ZNF804B: variants seen among roughly 807,000 people sequenced by gnomAD.
ZNF804B encodes the protein zinc finger protein 804B.
A neutral mutation model predicts 101.4 loss-of-function variants in ZNF804B; 80 were observed. The observed-to-expected ratio is 0.79, with a 90% CI of 0.66 to 0.95. The LOEUF is 0.95. Ranked by LOEUF, ZNF804B falls within the 40% of genes least tolerant of loss-of-function variation. The pLI is 0.00. For missense variants in ZNF804B, 1,673 were observed against 1,561.9 expected, an observed-to-expected ratio of 1.07 and a Z score of -1.20; for synonymous variants, 622 against 558.8, an observed-to-expected ratio of 1.11 and a Z score of -1.59.
At chr7:89,196,282 C>T (rs546029686) in intron 1 of ZNF804B, among the ~76,000 whole-genome samples, 1 of 149,158 alleles carries the variant, frequency 6.7e-6, no homozygotes, top group South Asian at 2.1e-4. Context: ...TTTGACAACA[C>T]GTAGACCAAT....
intron 2 of ZNF804B, among the ~76,000 whole-genome samples, chr7:89,270,656 C>A (rs192682699): frequency 3.9e-5 from 6 of 152,274 alleles, no homozygotes; most frequent in African/African-American, 1.4e-4. Flanking sequence ...TTACCTTGGG[C>A]AATATGGCCA....
chr7:89,233,104 T>C (rs1789224435), intron 2 of ZNF804B, among the ~76,000 whole-genome samples: 3 of 151,980 alleles, frequency 2.0e-5, no homozygotes, highest in South Asian at 4.1e-4. Flanking sequence ...TTTTTTGTAT[T>C]TTTAGTAGAG....
chr7:89,337,280 A>T lies in ZNF804B; in HGVS notation c.*248A>T, dbSNP rs801842. ...GCGTAGAGGGAAGAGGGAAAGAGTT[A>T]AAGATTTGTTTTGGATGGGTTCTCG... is the stretch of plus-strand genomic sequence containing the variant. On this transcript the variant is annotated 3_prime_UTR_variant, in exon 4 of 4. Transcript: ENST00000333190. 0.23 allele frequency among the ~76,000 whole-genome samples: 34,896 copies of T among 152,030 alleles called. 4,677 individuals carry two copies. Among genetic ancestry groups the T allele is most frequent in the African/African-American group, 0.39 (15,986 of 41,444 alleles).
At chr7:88,785,654 T>G (rs1315940266) in intron 1 of ZNF804B, among the ~76,000 whole-genome samples, 1 of 152,166 alleles carries the variant, frequency 6.6e-6, no homozygotes, top group South Asian at 2.1e-4. Context: ...CCTCATCTCT[T>G]ATGACTCCCC....
chr7:89,222,143 G>C (rs911890276), intron 2 of ZNF804B, among the ~76,000 whole-genome samples: 1 of 151,910 alleles, frequency 6.6e-6, no homozygotes, highest in African/African-American at 2.4e-5. Context: ...CTATTATCAA[G>C]GCATGGGGGC....
Position 88,854,541 on chromosome 7 carries a change from T to TTCCTTCCCTTCCCTTCCCTTC in ZNF804B, c.108+94457_108+94458insTCCTTCCCTTCCCTTCCCTTC, listed in dbSNP as rs1554340270. Among the ~76,000 whole-genome samples, 9 of 88,650 alleles carry TTCCTTCCCTTCCCTTCCCTTC rather than the reference T, an allele frequency of 1.0e-4. No individual in the cohort carries two copies. In the East Asian group the frequency reaches 1.5e-3, roughly 15 times the overall value. The allele number at this position is 88,650 out of a possible 152,430, so 58.2% of individuals were successfully genotyped here. ...CCTTTCCTTCCTTTCCTTCCTTCCT[T>TTCCTTCCCTTCCCTTCCCTTC]CCTTCCTTCCTTCCTTCCTTCCTTC... On this transcript the variant is annotated intron_variant, in intron 1 of 3. Transcript: ENST00000333190.
intron 1 of ZNF804B, among the ~76,000 whole-genome samples, chr7:88,770,398 G>A (rs1381739947): frequency 6.6e-6 from 1 of 152,206 alleles, no homozygotes; most frequent in Non-Finnish European, 1.5e-5. Context: ...GAAGTCACAA[G>A]CCAGGGAATG....
chr7:89,004,480 G>GT lies in ZNF804B; in HGVS notation c.109-213667dup, dbSNP rs1019393666. ...CTTGTTGATTTAAATAGTTTCTGGG[G>GT]TTTTTTTTGTTCCTGGTTGAAAGAT... is the stretch of plus-strand genomic sequence containing the variant. On this transcript the variant is annotated intron_variant, in intron 1 of 3. Transcript: ENST00000333190. 5.9e-5 allele frequency among the ~76,000 whole-genome samples: 9 copies of GT among 151,428 alleles called. No individual in the cohort carries two copies. The South Asian group carries it at 6.3e-4, about 11-fold the overall frequency.
Position 89,336,821 on chromosome 7 carries a change from A to T in ZNF804B, c.3839A>T (p.His1280Leu), listed in dbSNP as rs148321163. ...GCTGCTACCCCCTTCCACCCATCTC[A>T]CATAACACTTCAGCCTCTGCCCCCT... The part of the protein sequence containing the change: ...LVAATPFHPS[H>L]ITLQPLPPTA... Residue 1280 changes from histidine to leucine, a missense_variant, in exon 4 of 4, where the codon CAC (histidine) becomes CTC (leucine). Physicochemically the swap from His to Leu is moderately conservative, Grantham distance 99. Transcript: ENST00000333190. The T allele has an allele frequency of 1.6e-5, 26 of 1,613,866 alleles. No homozygotes were observed. In the African/African-American group the frequency reaches 3.3e-4, roughly 21 times the overall value.
At chr7:89,131,952 C>A (rs1178153971) in intron 1 of ZNF804B, among the ~76,000 whole-genome samples, 3 of 151,900 alleles carry the variant, frequency 2.0e-5, no homozygotes, top group Admixed American at 6.6e-5. Context: ...AATGCAAATT[C>A]AAATGCAGAT....
intron 2 of ZNF804B, among the ~76,000 whole-genome samples, chr7:89,219,908 CAT>C (rs1249663816): frequency 5.6e-5 from 8 of 142,826 alleles, no homozygotes; most frequent in African/African-American, 1.6e-4. Context: ...TATGTGTGTG[CAT>C]ATATATGTAT....
chr7:89,078,822 T>G (rs1372142898), intron 1 of ZNF804B, among the ~76,000 whole-genome samples: 1 of 151,982 alleles, frequency 6.6e-6, no homozygotes, highest in Non-Finnish European at 1.5e-5. Context: ...TCCCTTCTTC[T>G]TTCTTCCACC....
At chr7:89,144,526 T>C (rs1651398778) in intron 1 of ZNF804B, among the ~76,000 whole-genome samples, 2 of 151,676 alleles carry the variant, frequency 1.3e-5, no homozygotes, top group Non-Finnish European at 2.9e-5. Context: ...GACTAGAAAA[T>C]GGTTATCAGA....
chr7:88,843,661 T>C (rs186328520), intron 1 of ZNF804B, among the ~76,000 whole-genome samples: 85 of 152,088 alleles, frequency 5.6e-4, no homozygotes, highest in Non-Finnish European at 9.9e-4. Context: ...CACTTGAACC[T>C]GGGAGGTGGA....
intron 2 of ZNF804B, among the ~76,000 whole-genome samples, chr7:89,225,668 G>A (rs1584068119): frequency 2.0e-5 from 3 of 152,186 alleles, no homozygotes; most frequent in South Asian, 2.1e-4. Context: ...CATATGGGGT[G>A]CCTAATCTCA....
intron 1 of ZNF804B, among the ~76,000 whole-genome samples, chr7:88,999,000 A>G (rs767173984): frequency 3.2e-4 from 48 of 152,106 alleles, no homozygotes; most frequent in Non-Finnish European, 5.3e-4. Context: ...TCCTGAAACA[A>G]TCATTTCCTA....
At chr7:88,919,929 T>TGGTTCAAAAGAG (rs1792695273) in intron 1 of ZNF804B, among the ~76,000 whole-genome samples, 1 of 152,106 alleles carries the variant, frequency 6.6e-6, no homozygotes. Context: ...GGTGAAGGTC[T>TGGTTCAAAAGAG]ATCCTTCAGA....
rs11976492 is a variant in ZNF804B, at chr7:88,852,014, T to C, written c.108+91930T>C. On this transcript the variant is annotated intron_variant, in intron 1 of 3. Transcript: ENST00000333190. ...TTCTTCAAGTCTAATTGGCATATAG[T>C]GGTGGTGAAAAGAGGGCAGGGAGTT... Among the ~76,000 whole-genome samples the C allele has an allele frequency of 3.3e-5, 5 of 152,202 alleles. No homozygotes were observed. The East Asian group carries it at 5.8e-4, about 18-fold the overall frequency.
chr7:88,775,401 A>G (rs562975712), intron 1 of ZNF804B, among the ~76,000 whole-genome samples: 1 of 152,308 alleles, frequency 6.6e-6, no homozygotes, highest in Non-Finnish European at 1.5e-5. Flanking sequence ...AGGCCCTGTA[A>G]CAAGGAAATA....
Sources: gnomAD v4.1 joint callset for allele counts (sites outside exome capture counted in the v4.1 genomes callset) on GRCh38, gnomAD v4.1.1 for gene constraint, MANE v1.5 for transcripts, NCBI Gene and HGNC (gene_info 2026-07-23, HGNC 2026-07-21) for gene names.